NUP210: variants seen among roughly 807,000 people sequenced by gnomAD.
The protein encoded by NUP210 is nucleoporin 210, also known as nuclear pore membrane glycoprotein 210.
A neutral mutation model predicts 196.0 loss-of-function variants in NUP210; 151 were observed. The observed-to-expected ratio is 0.77, with a 90% CI of 0.67 to 0.88. The LOEUF is 0.88. Ranked by LOEUF, NUP210 falls within the 40% of genes least tolerant of loss-of-function variation. The pLI, the probability that NUP210 is intolerant of heterozygous loss-of-function variation, is 0.00. For missense variants in NUP210, 2,314 were observed against 2,493.7 expected, an observed-to-expected ratio of 0.93 and a Z score of 1.53; for synonymous variants, 1,070 against 1,052.7, an observed-to-expected ratio of 1.02 and a Z score of -0.32.
chr3:13,371,882 C>A lies in NUP210; in HGVS notation c.1738G>T (p.Asp580Tyr). The A allele has an allele frequency of 6.2e-7, 1 of 1,610,874 alleles. No homozygotes were observed. Among genetic ancestry groups the A allele is most frequent in the Admixed American group, 1.7e-5 (1 of 59,702 alleles). ...VVTLSDCSHF[D>Y]LAVEVENQGV... ...TGGTTCTCCACCTCGACAGCCAAGT[C>A]AAAGTGGGAGCAGTCGCTCAAGGTG... The change falls in exon 13 of 40, where the codon GAC becomes TAC. Residue 580 changes from aspartate (D) to tyrosine (Y), a missense_variant. Coordinates refer to ENST00000254508, the MANE Select transcript of NUP210 (RefSeq NM_024923.4).
At position 13,347,584 on chromosome 3, in the gene NUP210, G is replaced by C. The variant is rs1165183353; in HGVS notation, c.2836-4281C>G. 1.3e-5 allele frequency among the ~76,000 whole-genome samples: 2 copies of C among 152,068 alleles called. No homozygotes were observed. Among genetic ancestry groups the C allele is most frequent in the Non-Finnish European group, 2.9e-5 (2 of 68,006 alleles). Reference sequence around the variant, plus strand: ...ACCCCTGCTGCGTGAGCCCCAGAGAGCCCCCCAGAGACACTCCAAAGCCAC... The same window carrying C: ...ACCCCTGCTGCGTGAGCCCCAGAGACCCCCCCAGAGACACTCCAAAGCCAC... On this transcript the variant is annotated intron_variant, in intron 20 of 39. Coordinates refer to ENST00000254508, the MANE Select transcript of NUP210 (RefSeq NM_024923.4). The surrounding 1 kb of genome is among the most constrained non-coding windows in gnomAD (Gnocchi z 4.7).
intron 20 of NUP210, 39 bp from the exon 21 acceptor site, chr3:13,343,342 G>GGGGGGGGGTGGGGGT: frequency 3.0e-6 from 2 of 655,990 alleles, no homozygotes; most frequent in Non-Finnish European, 5.0e-6. Context: ...TGGGTGGTGG[G>GGGGGGGGGTGGGGGT]TTACGCAGCT....
chr3:13,360,201 C>T (rs1698321540), intron 15 of NUP210, 69 bp downstream of exon 15: 2 of 1,330,970 alleles, frequency 1.5e-6, no homozygotes, highest in South Asian at 2.5e-5. Flanking sequence ...GTAAATAAAA[C>T]AATACTGAGA....
At chr3:13,392,223 G>T (rs189287601) in intron 3 of NUP210, among the ~76,000 whole-genome samples, 2 of 152,164 alleles carry the variant, frequency 1.3e-5, no homozygotes, top group Non-Finnish European at 2.9e-5. Context: ...TCTTCACCCC[G>T]ATCCCTGGCC....
chr3:13,322,666 A>G (rs1349361761), intron 34 of NUP210, among the ~76,000 whole-genome samples: 3 of 152,214 alleles, frequency 2.0e-5, no homozygotes, highest in African/African-American at 4.8e-5. Flanking sequence ...GGGAAACGGC[A>G]ATTTACTTCT....
Position 13,336,886 on chromosome 3 carries a change from G to C in NUP210, c.3585C>G (p.His1195Gln), listed in dbSNP as rs767918023. 2.5e-6 allele frequency: 4 copies of C among 1,613,746 alleles called. No homozygotes were observed. The African/African-American group carries it at 5.3e-5, about 22-fold the overall frequency. The change falls in exon 27 of 40, where the codon CAC becomes CAG. Residue 1195 changes from histidine to glutamine, a missense_variant. His to Gln is a conservative substitution (Grantham distance 24). Transcript: ENST00000254508. The part of the protein sequence containing the change: ...MPIYVTGITN[H>Q]QNPFSFGNAV... ...CATTGCCAAAGGAGAAAGGGTTCTG[G>C]TGGTTGGTGATGCCGGTGACATAGA... is the stretch of plus-strand genomic sequence containing the variant.
intron 4 of NUP210, 49 bp from the exon 5 acceptor site, chr3:13,388,502 A>C: frequency 6.5e-7 from 1 of 1,547,960 alleles, no homozygotes; most frequent in South Asian, 1.2e-5. Flanking sequence ...CCCCAACACA[A>C]GATTTGTCAG....
rs531098109 is a variant in NUP210 at position 13,336,733 on chromosome 3, G to A, written c.3684+54C>T. The A allele has an allele frequency of 1.9e-4, 294 of 1,581,926 alleles. 2 individuals carry two copies. In the South Asian group the frequency reaches 3.2e-3, roughly 17 times the overall value. On this transcript the variant is annotated intron_variant, in intron 27 of 39. Coordinates refer to ENST00000254508, the MANE Select transcript of NUP210 (RefSeq NM_024923.4). ...GCAGGAACCCTCCCTGCCACTCGGG[G>A]TGCTGGCCTGGGACAGGGGTGGGAG...
Position 13,360,306 on chromosome 3 carries a change from G to A in NUP210, c.2118C>T (p.His706=), listed in dbSNP as rs1323913625. The change falls in exon 15 of 40, where the codon CAC becomes CAT. Residue 706 remains histidine (H), a synonymous_variant. Coordinates refer to ENST00000254508, the MANE Select transcript of NUP210 (RefSeq NM_024923.4). Reference sequence around the variant, plus strand: ...AGGCCTGACAGGTCACAAGGATCCAGTGTTGCTGATAATTCCGGGAGGAAT... The same window carrying A: ...AGGCCTGACAGGTCACAAGGATCCAATGTTGCTGATAATTCCGGGAGGAAT... The part of the protein sequence containing the change: ...APHSSRNYQQ[H]WILVTCQALG... 1 of 1,614,244 alleles carries A rather than the reference G, an allele frequency of 6.2e-7. No homozygotes were observed. The highest frequency in any genetic ancestry group is 8.5e-7 in the Non-Finnish European group (1 of 1,180,048).
chr3:13,372,014 G>T lies in NUP210; in HGVS notation c.1606C>A (p.His536Asn), dbSNP rs1489245372. 6.3e-7 allele frequency: 1 copy of T among 1,584,148 alleles called. No individual in the cohort carries two copies. Among genetic ancestry groups the T allele is most frequent in the Admixed American group, 1.8e-5 (1 of 55,774 alleles). ...TGGCACGGGGCAAACTCCATGCTGT[G>T]GGGCTCGATCACATACACCTGGAAG... ...GEMKVYVIEP[H>N]SMEFAPCQVE... The change falls in exon 13 of 40, where the codon CAC (histidine) becomes AAC (asparagine). Residue 536 changes from histidine (H) to asparagine (N), a missense_variant. Transcript: ENST00000254508.
At chr3:13,395,345 C>CCCAGG (rs1289170284) in intron 3 of NUP210, among the ~76,000 whole-genome samples, 1 of 152,198 alleles carries the variant, frequency 6.6e-6, no homozygotes, top group Admixed American at 6.5e-5. Context: ...ACACACTGCA[C>CCCAGG]CCAGGAATCT....
chr3:13,340,098 C>G lies in NUP210; in HGVS notation c.3292-65G>C. 1 of 1,601,420 alleles carries G rather than the reference C, an allele frequency of 6.2e-7. No homozygotes were observed. The highest frequency in any genetic ancestry group is 8.5e-7 in the Non-Finnish European group (1 of 1,171,680). ...TGCCAGGCAGCCCGCACCTCCCACTCAGAGAGCCAGGGCCCCAGTGCAGGC... is the reference window on the plus strand; with the variant it reads ...TGCCAGGCAGCCCGCACCTCCCACTGAGAGAGCCAGGGCCCCAGTGCAGGC... On this transcript the variant is annotated intron_variant, in intron 24 of 39. Transcript: ENST00000254508. The surrounding 1 kb of genome is among the most constrained non-coding windows in gnomAD (Gnocchi z 4.0).
chr3:13,367,294 G>A (rs750574888), intron 13 of NUP210, among the ~76,000 whole-genome samples: 2 of 152,000 alleles, frequency 1.3e-5, no homozygotes, highest in Non-Finnish European at 1.5e-5. Context: ...AATTAGCCGC[G>A]TGTGGTGGCG....
At position 13,361,359 on chromosome 3, in the gene NUP210, G is replaced by A. The variant is rs80153599; in HGVS notation, c.1933-868C>T. ...GAATTAAAGTAGTATTTCACACAAAGCTCTCATTTCCTCCATGGCCTAGGG... is the reference window on the plus strand; with the variant it reads ...GAATTAAAGTAGTATTTCACACAAAACTCTCATTTCCTCCATGGCCTAGGG... On this transcript the variant is annotated intron_variant, in intron 14 of 39. Transcript: ENST00000254508. Among the ~76,000 whole-genome samples, 510 of 152,312 alleles carry A rather than the reference G, an allele frequency of 3.3e-3. 6 individuals carry two copies. The highest frequency in any genetic ancestry group is 0.012 in the African/African-American group (498 of 41,548).
chr3:13,419,990 C>A, intron 1 of NUP210, 70 bp downstream of exon 1: 1 of 1,038,166 alleles, frequency 9.6e-7, no homozygotes, highest in Non-Finnish European at 1.2e-6. Context: ...CTCCCGGCGC[C>A]CGCCCAGCCT....
intron 25 of NUP210, among the ~76,000 whole-genome samples, chr3:13,338,358 T>C (rs1183778887): frequency 3.3e-5 from 5 of 152,336 alleles, no homozygotes; most frequent in Middle Eastern, 3.4e-3. Context: ...TCAGAACTTA[T>C]AACCTCCTTC....
intron 20 of NUP210, among the ~76,000 whole-genome samples, chr3:13,345,901 C>G (rs1350130076): frequency 6.6e-6 from 1 of 152,216 alleles, no homozygotes; most frequent in Non-Finnish European, 1.5e-5. Context: ...AGGCTCCAAC[C>G]TGAAACTCCT....
chr3:13,384,254 C>T (rs551521855), intron 6 of NUP210, among the ~76,000 whole-genome samples: 12 of 152,370 alleles, frequency 7.9e-5, no homozygotes, highest in African/African-American at 2.9e-4. Context: ...AGCCACCACG[C>T]CCGGCCGGCC....
At chr3:13,330,684 G>A (rs773490470) in intron 29 of NUP210, 50 bp from the exon 30 acceptor site, 11 of 1,540,876 alleles carry the variant, frequency 7.1e-6, no homozygotes, top group African/African-American at 1.4e-5. Context: ...CAGTGGGAGT[G>A]GGCCTGGATA....
Sources: gnomAD v4.1 joint callset for allele counts (sites outside exome capture counted in the v4.1 genomes callset) on GRCh38, gnomAD v4.1.1 for gene constraint, Gnocchi (gnomAD v3.1) non-coding constraint, MANE v1.5 for transcripts, NCBI Gene and HGNC (gene_info 2026-07-23, HGNC 2026-07-21) for gene names.